R3HDM2: variants seen among roughly 807,000 people sequenced by gnomAD.
R3HDM2 encodes the protein R3H domain-containing protein 2.
Under a neutral mutation model 124.5 loss-of-function variants are expected in R3HDM2, and 38 were observed. The ratio of observed to expected loss-of-function variants is 0.31; its 90% confidence interval spans 0.24 to 0.40. The LOEUF (loss-of-function observed/expected upper bound fraction) is 0.40, where lower values mean the gene tolerates loss of function less well. Ranked by LOEUF, R3HDM2 falls within the 10% of genes least tolerant of loss-of-function variation. R3HDM2 has a pLI of 1.00. For synonymous variants in R3HDM2, 391 were observed against 448.0 expected (o/e 0.87, Z 1.61); for missense variants, 869 against 1,236.9 (o/e 0.70, Z 4.46).
chr12:57,303,922 A>C (rs144064128), intron 3 of R3HDM2, among the ~76,000 whole-genome samples: 63 of 152,334 alleles, frequency 4.1e-4, no homozygotes, highest in South Asian at 3.3e-3. Context: ...GCTTCTGCAA[A>C]TGTCACTACC....
chr12:57,427,494 C>T (rs985153936), intron 1 of R3HDM2, among the ~76,000 whole-genome samples: 1 of 150,276 alleles, frequency 6.7e-6, no homozygotes, highest in South Asian at 2.1e-4. Flanking sequence ...GGACTACAGG[C>T]GTGTACCACC....
At chr12:57,271,609 G>A (rs1592538838) in intron 14 of R3HDM2, among the ~76,000 whole-genome samples, 1 of 152,166 alleles carries the variant, frequency 6.6e-6, no homozygotes, top group Non-Finnish European at 1.5e-5. Flanking sequence ...TTTTGAACTC[G>A]ATATTCCAGG....
Position 57,254,776 on chromosome 12 carries a change from T to G in R3HDM2, c.2970A>C (p.Gln990His). The G allele has an allele frequency of 6.5e-7, 1 of 1,536,194 alleles. No homozygotes were observed. The highest frequency in any genetic ancestry group is 8.9e-7 in the Non-Finnish European group (1 of 1,125,584). ...DLRILERASS[Q>H] is the part of the protein sequence containing the mutation. ...CAGTCCCTTTCCCCTCCTCCATTTATTGGGAGCTGGCTCGCTCCAGGATCC... is the reference window on the plus strand; with the variant it reads ...CAGTCCCTTTCCCCTCCTCCATTTAGTGGGAGCTGGCTCGCTCCAGGATCC... Residue 990 changes from glutamine (Q) to histidine (H), a missense_variant, in exon 24 of 24, where the codon CAA (glutamine) becomes CAC (histidine). Gln to His is a conservative substitution (Grantham distance 24). Around this residue, in one of 2 missense-constraint regions of R3HDM2, gnomAD observed 602 missense variants for 789.2 expected, o/e 0.76. Coordinates refer to ENST00000402412, the MANE Select transcript of R3HDM2 (RefSeq NM_001394031.1).
intron 3 of R3HDM2, among the ~76,000 whole-genome samples, chr12:57,308,942 T>C (rs1010073217): frequency 2.6e-5 from 4 of 152,180 alleles, no homozygotes; most frequent in East Asian, 1.9e-4. Flanking sequence ...CAGTGGCAGA[T>C]TGTCTCCACA....
chr12:57,334,392 A>G (rs907672380), intron 2 of R3HDM2, among the ~76,000 whole-genome samples: 3 of 152,114 alleles, frequency 2.0e-5, no homozygotes, highest in Non-Finnish European at 4.4e-5. Flanking sequence ...CTATCTGTTC[A>G]TTGGCCCCTG....
At chr12:57,403,342 A>AT (rs2068218941) in intron 1 of R3HDM2, among the ~76,000 whole-genome samples, 1 of 151,732 alleles carries the variant, frequency 6.6e-6, no homozygotes, top group African/African-American at 2.4e-5. Flanking sequence ...AAATACAAAA[A>AT]TTAGCTGGGC....
intron 2 of R3HDM2, among the ~76,000 whole-genome samples, chr12:57,347,648 C>T (rs1349558510): frequency 6.6e-6 from 1 of 152,146 alleles, no homozygotes; most frequent in Non-Finnish European, 1.5e-5. Context: ...CAATTACATG[C>T]TGTCTACAAG....
chr12:57,415,070 G>A (rs938928911), intron 1 of R3HDM2, among the ~76,000 whole-genome samples: 13 of 152,104 alleles, frequency 8.5e-5, no homozygotes, highest in Non-Finnish European at 1.5e-4. Context: ...AAGCCCCTTC[G>A]AATCAAATTT....
intron 1 of R3HDM2, among the ~76,000 whole-genome samples, chr12:57,408,517 G>A (rs1431041555): frequency 6.6e-6 from 1 of 152,074 alleles, no homozygotes; most frequent in African/African-American, 2.4e-5. Flanking sequence ...GATTGCTTAA[G>A]CTCAGGAGTT....
intron 2 of R3HDM2, among the ~76,000 whole-genome samples, chr12:57,317,967 G>C (rs1357262856): frequency 1.4e-5 from 2 of 143,824 alleles, no homozygotes; most frequent in East Asian, 4.1e-4. Flanking sequence ...GCAACAGAGC[G>C]AGACTCCGTC....
rs75541030 is a variant in R3HDM2 at position 57,377,863 on chromosome 12, G to A, written c.-36+17886C>T. Among the ~76,000 whole-genome samples the A allele has an allele frequency of 8.9e-3, 1,362 of 152,226 alleles. 20 individuals are homozygous for A. Among genetic ancestry groups the A allele is most frequent in the East Asian group, 0.069 (357 of 5,166 alleles). On this transcript the variant is annotated intron_variant, in intron 2 of 23. Coordinates refer to ENST00000402412, the MANE Select transcript of R3HDM2 (RefSeq NM_001394031.1). ...AGAAGTTTGGGAGGCCGAGGTGGGC[G>A]GATTGCTTGAGGTCAGGAGTTTGAG...
chr12:57,350,838 C>T (rs1034483150), intron 2 of R3HDM2, among the ~76,000 whole-genome samples: 3 of 152,034 alleles, frequency 2.0e-5, no homozygotes, highest in Admixed American at 6.6e-5. Context: ...CAGTGGTTCA[C>T]GCCTGTAATC....
At chr12:57,370,563 C>T (rs1352262697) in intron 2 of R3HDM2, among the ~76,000 whole-genome samples, 1 of 152,056 alleles carries the variant, frequency 6.6e-6, no homozygotes, top group East Asian at 1.9e-4. Flanking sequence ...TTGCTTGAAC[C>T]CGGGAGGTGG....
intron 2 of R3HDM2, among the ~76,000 whole-genome samples, chr12:57,346,593 A>G (rs1180564268): frequency 6.6e-6 from 1 of 152,258 alleles, no homozygotes; most frequent in Non-Finnish European, 1.5e-5. Context: ...AAGATGAAAT[A>G]AAGACATTCT....
intron 1 of R3HDM2, among the ~76,000 whole-genome samples, chr12:57,426,960 C>CAAGTGCTGTGCT: frequency 6.6e-6 from 1 of 152,154 alleles, no homozygotes; most frequent in Admixed American, 6.6e-5. Context: ...TACTGAACAT[C>CAAGTGCTGTGCT]AAGTGCTGTG....
Position 57,259,022 on chromosome 12 carries a change from C to G in R3HDM2, c.2169G>C (p.Gln723His). The change falls in exon 20 of 24, where the codon CAG (glutamine) becomes CAC (histidine). Residue 723 changes from glutamine to histidine, a missense_variant. Transcript: ENST00000402412. ...SPSGPGVVVM[Q>H]LNVPNGPQPP... is the part of the protein sequence containing the mutation. ...GCTGGGGTCCATTAGGGACATTCAG[C>G]TGCATGACCACTACACCTGGTCCAG... 1 of 1,613,264 alleles carries G rather than the reference C, an allele frequency of 6.2e-7. No individual in the cohort carries two copies. Among genetic ancestry groups the G allele is most frequent in the Non-Finnish European group, 8.5e-7 (1 of 1,179,850 alleles).
At chr12:57,324,896 A>T (rs1188432824) in intron 2 of R3HDM2, among the ~76,000 whole-genome samples, 2 of 152,164 alleles carry the variant, frequency 1.3e-5, no homozygotes, top group African/African-American at 2.4e-5. Context: ...AGTTAAATGA[A>T]GCTGTTAGGG....
At chr12:57,342,319 T>A in intron 2 of R3HDM2, among the ~76,000 whole-genome samples, 1 of 143,750 alleles carries the variant, frequency 7.0e-6, no homozygotes, top group African/African-American at 2.6e-5. Context: ...TCCCGCCCCC[T>A]TCACCCTTGA....
chr12:57,412,868 C>T (rs987761183), intron 1 of R3HDM2, among the ~76,000 whole-genome samples: 1 of 150,526 alleles, frequency 6.6e-6, no homozygotes, highest in African/African-American at 2.4e-5. Context: ...TAGCCAGGCA[C>T]GGGCCGGGTG....
Sources: gnomAD v4.1 joint callset for allele counts (sites outside exome capture counted in the v4.1 genomes callset) on GRCh38, gnomAD v4.1.1 for gene constraint, gnomAD v4.1.1 regional missense constraint, MANE v1.5 for transcripts, NCBI Gene and HGNC (gene_info 2026-07-23, HGNC 2026-07-21) for gene names.